The following DENND3 variants were observed in gnomAD, a reference collection of about 807,000 sequenced individuals.
DENND3 encodes the protein DENN domain containing 3.
A neutral mutation model predicts 135.1 loss-of-function variants in DENND3; 88 were observed. That is an observed-to-expected ratio of 0.65 (90% CI 0.55 to 0.78). DENND3 has a LOEUF of 0.78. Ranked by LOEUF, DENND3 falls within the 30% of genes least tolerant of loss-of-function variation. DENND3 has a pLI of 0.00. For missense variants in DENND3, 1,392 were observed against 1,688.4 expected (o/e 0.82, Z 3.08); for synonymous variants, 693 against 712.3 (o/e 0.97, Z 0.43).
intron 1 of DENND3, among the ~76,000 whole-genome samples, chr8:141,133,794 T>C (rs1330789170): frequency 1.3e-5 from 2 of 151,818 alleles, no homozygotes; most frequent in Non-Finnish European, 2.9e-5. Context: ...AGAACACAGG[T>C]GGGAGATCAG....
chr8:141,136,959 T>A lies in DENND3; in HGVS notation c.385+168T>A, dbSNP rs147119107. On this transcript the variant is annotated intron_variant, in intron 2 of 22. Transcript: ENST00000519811. ...GTTTTCTTAATCTTGGGGATTTTTT[T>A]AATTTTTTATATTTATTTATTTATT... Among the ~76,000 whole-genome samples the A allele has an allele frequency of 1.1e-3, 163 of 152,270 alleles. No homozygotes were observed. In the East Asian group the frequency reaches 0.016, roughly 15 times the overall value.
intron 5 of DENND3, among the ~76,000 whole-genome samples, chr8:141,150,562 A>G (rs1328830245): frequency 1.3e-5 from 2 of 152,242 alleles, no homozygotes; most frequent in Non-Finnish European, 2.9e-5. Context: ...CTCTGTCTAG[A>G]CAATGAGTAG....
intron 16 of DENND3, among the ~76,000 whole-genome samples, chr8:141,180,542 G>C (rs1304630850): frequency 6.6e-6 from 1 of 152,120 alleles, no homozygotes; most frequent in African/African-American, 2.4e-5. Context: ...CCACTCACTC[G>C]CACACCAGGT....
At chr8:141,185,628 C>A (rs538490611) in intron 18 of DENND3, among the ~76,000 whole-genome samples, 4 of 151,942 alleles carry the variant, frequency 2.6e-5, no homozygotes, top group African/African-American at 9.7e-5. Flanking sequence ...GAGTTTGAGA[C>A]CAGCCTGGGC....
Position 141,138,787 on chromosome 8 carries a change from T to C in DENND3, c.501+650T>C, listed in dbSNP as rs1037430081. On this transcript the variant is annotated intron_variant, in intron 3 of 22. Coordinates refer to ENST00000519811, the MANE Select transcript of DENND3 (RefSeq NM_001352890.3). This position sits in a 1 kb window ranked among gnomAD's most constrained non-coding sequence, Gnocchi z 4.8. The stretch of plus-strand genomic sequence containing the variant: ...CTTGTCTGACTTCTTTCCCTCAGCA[T>C]GTTTTGATGTTCATGTGCATGGGCG... Among the ~76,000 whole-genome samples the C allele has an allele frequency of 6.6e-6, 1 of 152,216 alleles. No individual in the cohort carries two copies. The highest frequency in any genetic ancestry group is 2.4e-5 in the African/African-American group (1 of 41,454).
At chr8:141,181,925 A>ACC (rs2154613415) in intron 17 of DENND3, among the ~76,000 whole-genome samples, 1 of 151,874 alleles carries the variant, frequency 6.6e-6, no homozygotes, top group African/African-American at 2.4e-5. Flanking sequence ...GGCTTGTACC[A>ACC]CCAAATCCAG....
rs1379332641 is a variant in DENND3, at chr8:141,174,365, TGA to T, written c.2276-833_2276-832del. Among the ~76,000 whole-genome samples, 1 of 152,050 alleles carries T rather than the reference TGA, an allele frequency of 6.6e-6. No homozygotes were observed. Among genetic ancestry groups the T allele is most frequent in the Non-Finnish European group, 1.5e-5 (1 of 68,008 alleles). The stretch of plus-strand genomic sequence containing the variant: ...TGAGGAGGGTTTTCCTGTGCAGAAC[TGA>T]GGGGGACTTGCTGCACGTCAGGGGA... On this transcript the variant is annotated intron_variant, in intron 13 of 22. Transcript: ENST00000519811. The surrounding 1 kb of genome is among the most constrained non-coding windows in gnomAD (Gnocchi z 4.6).
chr8:141,188,714 GAC>G, intron 18 of DENND3: 2 of 411,086 alleles, frequency 4.9e-6, no homozygotes, highest in South Asian at 3.7e-5. Flanking sequence ...AGGCCGCAGT[GAC>G]AGTGCTGGCG....
chr8:141,128,686 TGGCGGCG>T lies in DENND3; in HGVS notation c.-11_-5del, dbSNP rs1324814073. 2.9e-6 allele frequency: 4 copies of T among 1,368,370 alleles called. No homozygotes were observed. The African/African-American group carries it at 4.6e-5, about 16-fold the overall frequency. The allele number at this position is 1,368,370 out of a possible 1,614,324, so 84.8% of individuals were successfully genotyped here. A position where few individuals can be genotyped will look rare whatever the true frequency, so the allele number is the denominator to read the frequency against. The stretch of plus-strand genomic sequence containing the variant: ...CGGCTGAGGCGCCCGAGTGCGGTAC[TGGCGGCG>T]GGCGGCGGGCAGCCATGGCGGAGGC... On this transcript the variant is annotated 5_prime_UTR_variant, in exon 1 of 23. Coordinates refer to ENST00000519811, the MANE Select transcript of DENND3 (RefSeq NM_001352890.3). The surrounding 1 kb of genome is among the most constrained non-coding windows in gnomAD (Gnocchi z 4.5).
rs370133552 is a variant in DENND3, at chr8:141,148,529, A to G, written c.736-2305A>G. Reference sequence around the variant, plus strand: ...TTGTACCGTATCTGAGTCATTTTCTATGTTGCTTTGTATGTGACACCTGTT... The same window carrying G: ...TTGTACCGTATCTGAGTCATTTTCTGTGTTGCTTTGTATGTGACACCTGTT... On this transcript the variant is annotated intron_variant, in intron 5 of 22. Coordinates refer to ENST00000519811, the MANE Select transcript of DENND3 (RefSeq NM_001352890.3). Among the ~76,000 whole-genome samples, 10 of 152,200 alleles carry G rather than the reference A, an allele frequency of 6.6e-5. No individual in the cohort carries two copies. In the South Asian group the frequency reaches 8.3e-4, roughly 13 times the overall value.
chr8:141,149,544 C>G (rs1309454492), intron 5 of DENND3, among the ~76,000 whole-genome samples: 2 of 152,238 alleles, frequency 1.3e-5, no homozygotes, highest in Admixed American at 6.5e-5. Flanking sequence ...CTGCTTATTG[C>G]AGTTCAGGGT....
chr8:141,131,616 TA>T (rs958588599), intron 1 of DENND3, among the ~76,000 whole-genome samples: 1 of 152,176 alleles, frequency 6.6e-6, no homozygotes, highest in Admixed American at 6.5e-5. Context: ...TGGAGAGCAA[TA>T]AAAAAATTGA....
In DENND3 at chr8:141,174,405, C is replaced by T. The variant is rs1290957620; in HGVS notation, c.2276-795C>T. ...GCACGTCAGGGGACAGAGAGAGGGA[C>T]ACTGGGTGGAGGCAGAGCCGAGCAG... On this transcript the variant is annotated intron_variant, in intron 13 of 22. Coordinates refer to ENST00000519811, the MANE Select transcript of DENND3 (RefSeq NM_001352890.3). This position sits in a 1 kb window ranked among gnomAD's most constrained non-coding sequence, Gnocchi z 4.6. 1.3e-5 allele frequency among the ~76,000 whole-genome samples: 2 copies of T among 152,150 alleles called. No homozygotes were observed. The highest frequency in any genetic ancestry group is 3.9e-4 in the East Asian group (2 of 5,170).
rs1466077697 is a variant in DENND3, at chr8:141,138,639, G to C, written c.501+502G>C. 6.6e-6 allele frequency among the ~76,000 whole-genome samples: 1 copy of C among 152,160 alleles called. No individual in the cohort carries two copies. Among genetic ancestry groups the C allele is most frequent in the African/African-American group, 2.4e-5 (1 of 41,434 alleles). ...GACCTCAGGTGATCCACCCGCCTCA[G>C]CCTCCCAAAGTGCTGGGATTACAGG... On this transcript the variant is annotated intron_variant, in intron 3 of 22. Transcript: ENST00000519811. The surrounding 1 kb of genome is among the most constrained non-coding windows in gnomAD (Gnocchi z 4.8).
At position 141,146,228 on chromosome 8, in the gene DENND3, T is replaced by TCTA. The variant is rs1818118258; in HGVS notation, c.735+1971_735+1972insACT. 6.6e-6 allele frequency among the ~76,000 whole-genome samples: 1 copy of TCTA among 152,208 alleles called. No individual in the cohort carries two copies. Among genetic ancestry groups the TCTA allele is most frequent in the Non-Finnish European group, 1.5e-5 (1 of 68,042 alleles). On this transcript the variant is annotated intron_variant, in intron 5 of 22. Transcript: ENST00000519811. The surrounding 1 kb of genome is among the most constrained non-coding windows in gnomAD (Gnocchi z 4.3). ...TAACTGGTTTTATATTTTTTGTTAC[T>TCTA]CTTAGATGTAGTGCTGTGTTACTTA...
Position 141,176,749 on chromosome 8 carries a change from C to A in DENND3, c.2694C>A (p.Ala898=). ...VKEMWAGKKL[A]DDHKDPHYVQ... ...AGATGTGGGCTGGGAAGAAGCTGGC[C>A]GATGACCACAAGGTGGGAGACGCGG... The change falls in exon 15 of 23, where the codon GCC becomes GCA. Residue 898 remains alanine, a synonymous_variant. Transcript: ENST00000519811. 1 of 1,613,860 alleles carries A rather than the reference C, an allele frequency of 6.2e-7. No homozygotes were observed. Among genetic ancestry groups the A allele is most frequent in the Non-Finnish European group, 8.5e-7 (1 of 1,179,882 alleles).
chr8:141,156,141 T>C (rs1001460266), intron 8 of DENND3, among the ~76,000 whole-genome samples, 171 bp downstream of exon 8: 4 of 152,190 alleles, frequency 2.6e-5, no homozygotes, highest in African/African-American at 7.2e-5. Flanking sequence ...CTCTTGTTGT[T>C]CAGGCTGGAG....
chr8:141,168,253 T>C lies in DENND3; in HGVS notation c.2003T>C (p.Ile668Thr). The change falls in exon 13 of 23, where the codon ATA becomes ACA. Residue 668 changes from isoleucine to threonine, a missense_variant. Physicochemically the swap from Ile to Thr is moderately conservative, Grantham distance 89. Transcript: ENST00000519811. This position sits in a 1 kb window ranked among gnomAD's most constrained non-coding sequence, Gnocchi z 6.2. ...LDFQNLYKTD[I>T]RIFPTDLVKR... ...TTCCAGAATCTGTATAAAACAGACATACGGATCTTTCCCACTGATTTGGTG... is the reference window on the plus strand; with the variant it reads ...TTCCAGAATCTGTATAAAACAGACACACGGATCTTTCCCACTGATTTGGTG... The C allele has an allele frequency of 6.2e-7, 1 of 1,614,090 alleles. No individual in the cohort carries two copies. Among genetic ancestry groups the C allele is most frequent in the Non-Finnish European group, 8.5e-7 (1 of 1,180,030 alleles).
At chr8:141,173,244 G>GT (rs1821878496) in intron 13 of DENND3, among the ~76,000 whole-genome samples, 2 of 152,266 alleles carry the variant, frequency 1.3e-5, no homozygotes, top group Admixed American at 1.3e-4. Context: ...GTCTTCTTCT[G>GT]TGACTTCTTT....
Sources: gnomAD v4.1 joint callset for allele counts (sites outside exome capture counted in the v4.1 genomes callset) on GRCh38, gnomAD v4.1.1 for gene constraint, Gnocchi (gnomAD v3.1) non-coding constraint, MANE v1.5 for transcripts, NCBI Gene and HGNC (gene_info 2026-07-23, HGNC 2026-07-21) for gene names.